HAVCR2: variants seen among roughly 807,000 people sequenced by gnomAD.
HAVCR2 encodes T cell immunoglobulin mucin 3.
HAVCR2 carries 13 observed loss-of-function variants against 24.7 expected under a neutral mutation model. That is an observed-to-expected ratio of 0.53 (90% CI 0.34 to 0.84). HAVCR2 has a LOEUF of 0.84. HAVCR2 is among the 40% of genes least tolerant of loss of function. The pLI is 0.01. For synonymous variants in HAVCR2, 154 were observed against 143.4 expected, an observed-to-expected ratio of 1.07 and a Z score of -0.53; for missense variants, 343 against 371.2, an observed-to-expected ratio of 0.92 and a Z score of 0.62.
rs1757261319 is a variant in HAVCR2, at chr5:157,106,897, G to A, written c.124C>T (p.Pro42Ser). 6.2e-7 allele frequency: 1 copy of A among 1,614,064 alleles called. No individual in the cohort carries two copies. The highest frequency in any genetic ancestry group is 1.1e-5 in the South Asian group (1 of 91,082). The change falls in exon 2 of 7, where the codon CCA (proline) becomes TCA (serine). Residue 42 changes from proline to serine, a missense_variant. Coordinates refer to ENST00000307851, the MANE Select transcript of HAVCR2 (RefSeq NM_032782.5). ...GGCACGAGGTTCCCTGGGGCGGCTG[G>A]GGTGTAGAAGCAGGGCAGATAGGCA... ...QNAYLPCFYT[P>S]AAPGNLVPVC...
rs564826985 is a variant in HAVCR2, at chr5:157,097,333, C to T, written c.522+1525G>A. ...GCAGGGGCATGATCACAGCTCAATG[C>T]AGCCTCAACCTACTGGGCTCAAGTG... On this transcript the variant is annotated intron_variant, in intron 4 of 6. Coordinates refer to ENST00000307851, the MANE Select transcript of HAVCR2 (RefSeq NM_032782.5). Among the ~76,000 whole-genome samples the T allele has an allele frequency of 4.0e-5, 6 of 150,184 alleles. No individual in the cohort carries two copies. In the East Asian group the frequency reaches 1.2e-3, roughly 29 times the overall value.
intron 2 of HAVCR2, among the ~76,000 whole-genome samples, chr5:157,105,226 G>A (rs1183616132): frequency 3.3e-5 from 5 of 150,018 alleles, no homozygotes; most frequent in Admixed American, 6.7e-5. Flanking sequence ...AACCACACCT[G>A]GCTAATTTTG....
At position 157,106,759 on chromosome 5, in the gene HAVCR2, A is replaced by T. The variant is rs1287543382; in HGVS notation, c.262T>A (p.Phe88Ile). 3.1e-6 allele frequency: 5 copies of T among 1,614,198 alleles called. No individual in the cohort carries two copies. In the East Asian group the frequency reaches 1.1e-4, roughly 36 times the overall value. Residue 88 changes from phenylalanine to isoleucine, a missense_variant, in exon 2 of 7, where the codon TTC becomes ATC. Coordinates refer to ENST00000307851, the MANE Select transcript of HAVCR2 (RefSeq NM_032782.5). ...GTCAGGGACACATCTCCTTTGCGGAAATCCCCATTTAGCCAGTATCTGGAT... is the reference window on the plus strand; with the variant it reads ...GTCAGGGACACATCTCCTTTGCGGATATCCCCATTTAGCCAGTATCTGGAT... ...WTSRYWLNGDFRKGDVSLTIE... is the reference protein window; with the variant it reads ...WTSRYWLNGDIRKGDVSLTIE...
At chr5:157,096,369 G>A (rs146428635) in intron 4 of HAVCR2, among the ~76,000 whole-genome samples, 3 of 152,146 alleles carry the variant, frequency 2.0e-5, no homozygotes, top group East Asian at 1.9e-4. Flanking sequence ...TCAATCAATC[G>A]TAGCTATTAT....
chr5:157,088,889 T>G (rs35937860), intron 6 of HAVCR2, 52 bp downstream of exon 6: 18,861 of 1,457,510 alleles, frequency 0.013, 572 homozygotes, highest in African/African-American at 0.12. Flanking sequence ...CATGTTAGAG[T>G]AGGGACTTCC....
rs147448117 is a variant in HAVCR2, at chr5:157,098,180, G to A, written c.522+678C>T. Among the ~76,000 whole-genome samples, 640 of 152,196 alleles carry A rather than the reference G, an allele frequency of 4.2e-3. 7 individuals are homozygous for A. The highest frequency in any genetic ancestry group is 0.014 in the African/African-American group (574 of 41,530). On this transcript the variant is annotated intron_variant, in intron 4 of 6. Coordinates refer to ENST00000307851, the MANE Select transcript of HAVCR2 (RefSeq NM_032782.5). ...TCAGCACTTTGGGAGGCCGAGGCAGGTGGATCACCTGAGGTCAGGAGTTCA... is the reference window on the plus strand; with the variant it reads ...TCAGCACTTTGGGAGGCCGAGGCAGATGGATCACCTGAGGTCAGGAGTTCA...
chr5:157,103,954 G>C lies in HAVCR2; in HGVS notation c.478+712C>G, dbSNP rs78173940. ...GTCAGACATTGGGATAAACGTTTTAGACATTTTCTTATTTAAAGCCCATAA... is the reference window on the plus strand; with the variant it reads ...GTCAGACATTGGGATAAACGTTTTACACATTTTCTTATTTAAAGCCCATAA... On this transcript the variant is annotated intron_variant, in intron 3 of 6. Transcript: ENST00000307851. Among the ~76,000 whole-genome samples the C allele has an allele frequency of 2.6e-5, 4 of 152,156 alleles. No homozygotes were observed. The East Asian group carries it at 7.7e-4, about 29-fold the overall frequency.
intron 2 of HAVCR2, 112 bp downstream of exon 2, chr5:157,106,515 G>T: frequency 1.2e-6 from 1 of 830,758 alleles, no homozygotes; most frequent in Non-Finnish European, 1.9e-6. Context: ...GGTCTTAGTG[G>T]CCCTCCTCCA....
intron 3 of HAVCR2, among the ~76,000 whole-genome samples, chr5:157,102,845 G>T (rs1275843926): frequency 6.7e-6 from 1 of 148,822 alleles, no homozygotes; most frequent in African/African-American, 2.5e-5. Flanking sequence ...TGAGGCAGGA[G>T]AATGGCATGA....
intron 4 of HAVCR2, among the ~76,000 whole-genome samples, chr5:157,096,953 CACACACACACATAT>C (rs1398109885): frequency 7.5e-4 from 112 of 149,642 alleles, no homozygotes; most frequent in African/African-American, 2.5e-3. Context: ...CACACACACA[CACACACACACATAT>C]AATTATAAGC....
chr5:157,095,336 CCAGAGCCA>C lies in HAVCR2; in HGVS notation c.638_645del (p.Leu213ArgfsTer15). Reference sequence around the variant, plus strand: ...AAAATTAAAGCGCCGAAGATAAGAGCCAGAGCCAGCCCAGCACAGATCCCTGCTCCGAT... The same window carrying C: ...AAAATTAAAGCGCCGAAGATAAGAGCGCCCAGCACAGATCCCTGCTCCGAT... On this transcript the variant is annotated frameshift_variant, in exon 5 of 7. Transcript: ENST00000307851. LOFTEE classifies it high-confidence loss of function. 2.5e-6 allele frequency: 4 copies of C among 1,613,992 alleles called. No individual in the cohort carries two copies. The highest frequency in any genetic ancestry group is 3.4e-6 in the Non-Finnish European group (4 of 1,179,968).
At chr5:157,089,370 C>T (rs1160788689) in intron 5 of HAVCR2, among the ~76,000 whole-genome samples, 2 of 152,074 alleles carry the variant, frequency 1.3e-5, no homozygotes, top group African/African-American at 2.4e-5. Flanking sequence ...AACCCCGTCT[C>T]TACTAAAAAT....
Position 157,098,973 on chromosome 5 carries a change from C to T in HAVCR2, c.479-72G>A, listed in dbSNP as rs71591098. 8,786 of 1,419,866 alleles carry T rather than the reference C, an allele frequency of 6.2e-3. 39 individuals are homozygous for T. The highest frequency in any genetic ancestry group is 7.5e-3 in the Non-Finnish European group (7,784 of 1,039,990). The allele number at this position is 1,419,866 out of a possible 1,614,324, so 88.0% of individuals were successfully genotyped here. Reference sequence around the variant, plus strand: ...TATAGTTAAGAACGTTTTCTTTTATCTAAGTTTTTAAAAAATCTTAATGAT... The same window carrying T: ...TATAGTTAAGAACGTTTTCTTTTATTTAAGTTTTTAAAAAATCTTAATGAT... On this transcript the variant is annotated intron_variant, in intron 3 of 6. Coordinates refer to ENST00000307851, the MANE Select transcript of HAVCR2 (RefSeq NM_032782.5).
intron 5 of HAVCR2, among the ~76,000 whole-genome samples, chr5:157,089,490 T>G (rs1332362370): frequency 1.3e-5 from 2 of 149,936 alleles, no homozygotes; most frequent in African/African-American, 4.9e-5. Context: ...GAGCCAAGAT[T>G]GCGCCATTGC....
At chr5:157,101,728 A>T (rs941932429) in intron 3 of HAVCR2, among the ~76,000 whole-genome samples, 1 of 151,706 alleles carries the variant, frequency 6.6e-6, no homozygotes, top group Non-Finnish European at 1.5e-5. Flanking sequence ...TCTGTGTTCA[A>T]ATTCCAGGCC....
chr5:157,092,903 A>AC (rs1757027107), intron 5 of HAVCR2, among the ~76,000 whole-genome samples: 1 of 106,274 alleles, frequency 9.4e-6, no homozygotes, highest in African/African-American at 3.6e-5. Flanking sequence ...AAAAAAAAAA[A>AC]AAAAAAAAAA....
intron 2 of HAVCR2, 79 bp downstream of exon 2, chr5:157,106,548 A>C (rs762728372): frequency 4.0e-6 from 5 of 1,239,910 alleles, no homozygotes; most frequent in Non-Finnish European, 5.8e-6. Context: ...GGGAAGTCAG[A>C]GATGAGAACA....
At chr5:157,104,824 C>A in intron 2 of HAVCR2, 75 bp from the exon 3 acceptor site, 3 of 1,073,088 alleles carry the variant, frequency 2.8e-6, no homozygotes, top group East Asian at 2.7e-5. Context: ...AAAGGGGCAG[C>A]AAGAAAAAAA....
Position 157,087,198 on chromosome 5 carries a change from G to A in HAVCR2, c.810C>T (p.Asn270=), listed in dbSNP as rs150223677. The change falls in exon 7 of 7, where the codon AAC becomes AAT. Residue 270 remains asparagine, a synonymous_variant. Coordinates refer to ENST00000307851, the MANE Select transcript of HAVCR2 (RefSeq NM_032782.5). ...CATTGGGCTCCTCCACTTCATATAC[G>A]TTCTCTTCAATGGTATAGATGTTTT... ...SEENIYTIEE[N]VYEVEEPNEY... is the part of the protein sequence containing the mutation. The A allele has an allele frequency of 2.6e-4, 425 of 1,613,936 alleles. 3 individuals are homozygous for A. The highest frequency in any genetic ancestry group is 2.5e-4 in the African/African-American group (19 of 75,014).
Sources: allele counts gnomAD v4.1 joint callset (sites outside exome capture counted in the v4.1 genomes callset), GRCh38; gene constraint gnomAD v4.1.1; transcripts MANE v1.5; gene names NCBI Gene and HGNC (gene_info 2026-07-23, HGNC 2026-07-21).